The following MEX3C variants were observed in gnomAD, a reference collection of about 807,000 sequenced individuals.
MEX3C encodes the protein RNA-binding E3 ubiquitin-protein ligase MEX3C.
A neutral mutation model predicts 35.5 loss-of-function variants in MEX3C; 15 were observed. The observed-to-expected ratio is 0.42, with a 90% CI of 0.28 to 0.65. The LOEUF (loss-of-function observed/expected upper bound fraction) is 0.65, where lower values mean the gene tolerates loss of function less well. MEX3C is among the 30% of genes least tolerant of loss of function. MEX3C has a pLI of 0.20. For missense variants in MEX3C, 711 were observed against 842.8 expected, an observed-to-expected ratio of 0.84 and a Z score of 1.94; for synonymous variants, 390 against 352.8, an observed-to-expected ratio of 1.11 and a Z score of -1.18.
intron 1 of MEX3C, among the ~76,000 whole-genome samples, chr18:51,179,053 G>GA (rs1472008925): frequency 6.6e-6 from 1 of 151,006 alleles, no homozygotes; most frequent in Non-Finnish European, 1.5e-5. Context: ...ACCCAGGCTG[G>GA]AGTGCAGTGA....
intron 1 of MEX3C, among the ~76,000 whole-genome samples, chr18:51,178,288 G>A (rs1442741549): frequency 6.6e-6 from 1 of 151,942 alleles, no homozygotes; most frequent in Non-Finnish European, 1.5e-5. Flanking sequence ...AAAAGGCCAT[G>A]ACCCCAAATC....
intron 1 of MEX3C, among the ~76,000 whole-genome samples, chr18:51,186,333 TAAATAAAAGA>T (rs1912537082): frequency 6.6e-6 from 1 of 152,054 alleles, no homozygotes; most frequent in Non-Finnish European, 1.5e-5. Flanking sequence ...CTACTTACAG[TAAATAAAAGA>T]AAGCTTTAAA....
rs557038492 is a variant in MEX3C, at chr18:51,181,505, A to C, written c.755-3929T>G. Among the ~76,000 whole-genome samples, 264 of 14,688 alleles carry C rather than the reference A, an allele frequency of 0.018. No individual in the cohort carries two copies. The East Asian group carries it at 0.45, about 25-fold the overall frequency. The allele number at this position is 14,688 out of a possible 152,430, so 9.6% of individuals were successfully genotyped here. On this transcript the variant is annotated intron_variant, in intron 1 of 1. Transcript: ENST00000406189. ...TGTCAAATAACAAAAACCTTACAAC[A>C]ATGCTAGTAAAGAGTGGGGAAAAGA...
intron 1 of MEX3C, among the ~76,000 whole-genome samples, chr18:51,179,436 A>G (rs540638605): frequency 1.3e-5 from 2 of 152,336 alleles, no homozygotes; most frequent in Admixed American, 6.5e-5. Flanking sequence ...CCAAAAACAC[A>G]TGGGACCAGG....
chr18:51,181,695 A>C (rs1912435255), intron 1 of MEX3C, among the ~76,000 whole-genome samples: 2 of 152,260 alleles, frequency 1.3e-5, no homozygotes. Context: ...TGTTTGAATT[A>C]GCATGAGGCT....
In MEX3C at chr18:51,177,404, T is replaced by C. The variant is rs1342687403; in HGVS notation, c.927A>G (p.Lys309=). 1.9e-6 allele frequency: 3 copies of C among 1,613,994 alleles called. No homozygotes were observed. The highest frequency in any genetic ancestry group is 4.5e-5 in the East Asian group (2 of 44,874). Residue 309 remains lysine, a synonymous_variant, in exon 2 of 2, where the codon AAA becomes AAG. Coordinates refer to ENST00000406189, the MANE Select transcript of MEX3C (RefSeq NM_016626.5). This position sits in a 1 kb window ranked among gnomAD's most constrained non-coding sequence, Gnocchi z 4.2. ...HFSMIRASRN[K]NGPALGGLSC... ...ATAATCCTCCCAGGGCAGGCCCATT[T>C]TTGTTTCGAGATGCACGAATCATGG...
In MEX3C at chr18:51,187,211, C is replaced by T. The variant is rs1342660806; in HGVS notation, c.754+9356G>A. Among the ~76,000 whole-genome samples, 6 of 152,254 alleles carry T rather than the reference C, an allele frequency of 3.9e-5. No individual in the cohort carries two copies. In the East Asian group the frequency reaches 5.8e-4, roughly 15 times the overall value. On this transcript the variant is annotated intron_variant, in intron 1 of 1. Coordinates refer to ENST00000406189, the MANE Select transcript of MEX3C (RefSeq NM_016626.5). Reference sequence around the variant, plus strand: ...AATCTGGAAAACCCTCCTAGTATTCCTTTTCCTCCCTGAGTTATCTGAATA... The same window carrying T: ...AATCTGGAAAACCCTCCTAGTATTCTTTTTCCTCCCTGAGTTATCTGAATA...
At chr18:51,189,192 C>T (rs1912603279) in intron 1 of MEX3C, among the ~76,000 whole-genome samples, 1 of 152,130 alleles carries the variant, frequency 6.6e-6, no homozygotes, top group Non-Finnish European at 1.5e-5. Context: ...AAAGAAACTC[C>T]TAAAGATAAA....
At chr18:51,195,726 C>G (rs1275945809) in intron 1 of MEX3C, 1 of 152,392 alleles carries the variant, frequency 6.6e-6, no homozygotes, top group East Asian at 1.9e-4. Context: ...CCCCTTCCCC[C>G]ACCTTCACAA....
chr18:51,177,417 G>A lies in MEX3C; in HGVS notation c.914C>T (p.Ala305Val). Residue 305 changes from alanine (A) to valine (V), a missense_variant, in exon 2 of 2, where the codon GCA (alanine) becomes GTA (valine). Ala to Val is a moderately conservative substitution (Grantham distance 64, BLOSUM62 0). This residue lies in a region of MEX3C where 83 missense variants were observed against 179.1 expected (regional missense o/e 0.46). Transcript: ENST00000406189. The surrounding 1 kb of genome is among the most constrained non-coding windows in gnomAD (Gnocchi z 4.2). ...GGCAGGCCCATTTTTGTTTCGAGAT[G>A]CACGAATCATGGAGAAGTGCTCTGC... ...SAAEHFSMIR[A>V]SRNKNGPALG... 1.2e-6 allele frequency: 2 copies of A among 1,613,968 alleles called. No homozygotes were observed. The highest frequency in any genetic ancestry group is 1.7e-6 in the Non-Finnish European group (2 of 1,179,872).
At chr18:51,182,294 A>AG (rs1295183218) in intron 1 of MEX3C, among the ~76,000 whole-genome samples, 9 of 145,656 alleles carry the variant, frequency 6.2e-5, no homozygotes, top group South Asian at 2.1e-4. Flanking sequence ...CTGTTGGATA[A>AG]GGGGGGGACT....
At chr18:51,178,426 G>C (rs1912350850) in intron 1 of MEX3C, among the ~76,000 whole-genome samples, 3 of 150,566 alleles carry the variant, frequency 2.0e-5, no homozygotes, top group Admixed American at 2.0e-4. Context: ...ACTATGTGAA[G>C]ATTAGAGGGC....
chr18:51,195,475 T>C (rs1912757664), intron 1 of MEX3C: 1 of 152,234 alleles, frequency 6.6e-6, no homozygotes, highest in African/African-American at 2.4e-5. Context: ...CTCTTATTTA[T>C]GTGTACTTTA....
chr18:51,194,800 C>T (rs1912737654), intron 1 of MEX3C: 1 of 152,174 alleles, frequency 6.6e-6, no homozygotes, highest in South Asian at 2.1e-4. Flanking sequence ...CCCTTTTCCA[C>T]CACTCCCCTT....
At chr18:51,184,588 G>A (rs1912496625) in intron 1 of MEX3C, among the ~76,000 whole-genome samples, 1 of 152,184 alleles carries the variant, frequency 6.6e-6, no homozygotes, top group South Asian at 2.1e-4. Context: ...TGTGTGTGAT[G>A]CCTCAAGCCT....
chr18:51,197,217 G>A lies in MEX3C; in HGVS notation c.104C>T (p.Pro35Leu). 1 of 1,004,352 alleles carries A rather than the reference G, an allele frequency of 1.0e-6. No individual in the cohort carries two copies. The highest frequency in any genetic ancestry group is 1.2e-6 in the Non-Finnish European group (1 of 844,830). 62.2% of individuals were successfully genotyped at this position (1,004,352 alleles called of 1,614,324 possible). A position where few individuals can be genotyped will look rare whatever the true frequency, so the allele number is the denominator to read the frequency against. ...PPPPPPPLPP[P>L]SGGPELEGDG... Reference sequence around the variant, plus strand: ...CCCCTCGAGCTCCGGGCCGCCCGAGGGCGGCGGCAGAGGCGGCGGTGGCGG... The same window carrying A: ...CCCCTCGAGCTCCGGGCCGCCCGAGAGCGGCGGCAGAGGCGGCGGTGGCGG... The change falls in exon 1 of 2, where the codon CCC becomes CTC. Residue 35 changes from proline to leucine, a missense_variant. By Grantham distance (98) the Pro-to-Leu change is moderately conservative. This residue lies in a region of MEX3C where 354 missense variants were observed against 311.6 expected (regional missense o/e 1.14). Transcript: ENST00000406189.
intron 1 of MEX3C, among the ~76,000 whole-genome samples, chr18:51,191,549 A>G (rs1474149737): frequency 6.6e-6 from 1 of 152,232 alleles, no homozygotes; most frequent in Non-Finnish European, 1.5e-5. Flanking sequence ...AAAGGCATTC[A>G]GATATCCGTT....
Position 51,176,183 on chromosome 18 carries a change from A to G in MEX3C, c.*168T>C. 6.3e-6 allele frequency: 4 copies of G among 633,432 alleles called. No homozygotes were observed. The highest frequency in any genetic ancestry group is 1.0e-5 in the Non-Finnish European group (4 of 387,024). The allele number at this position is 633,432 out of a possible 1,614,324, so 39.2% of individuals were successfully genotyped here. The stretch of plus-strand genomic sequence containing the variant: ...AATAGACAAGAGACCACTTAGGTTT[A>G]GTGTTACCATAGCAGCCTTTTATAA... On this transcript the variant is annotated 3_prime_UTR_variant, in exon 2 of 2. Transcript: ENST00000406189.
intron 1 of MEX3C, among the ~76,000 whole-genome samples, chr18:51,181,100 T>C (rs1297690189): frequency 6.6e-6 from 1 of 152,188 alleles, no homozygotes; most frequent in African/African-American, 2.4e-5. Context: ...ACTTTGAGTT[T>C]TTATTTGAAA....
Sources: allele counts gnomAD v4.1 joint callset (sites outside exome capture counted in the v4.1 genomes callset), GRCh38; gene constraint gnomAD v4.1.1; regional missense constraint gnomAD v4.1.1; non-coding constraint Gnocchi (gnomAD v3.1); transcripts MANE v1.5; gene names NCBI Gene and HGNC (gene_info 2026-07-23, HGNC 2026-07-21).